The following ENTPD3 variants were observed in gnomAD, a reference collection of about 807,000 sequenced individuals.
ENTPD3 encodes CD39 antigen-like 3.
ENTPD3 carries 60 observed loss-of-function variants against 51.2 expected under a neutral mutation model. The observed-to-expected ratio is 1.17, with a 90% CI of 0.95 to 1.45. The LOEUF (loss-of-function observed/expected upper bound fraction) is 1.45. Among genes scored for constraint, ENTPD3 ranks in the 40% most tolerant of loss-of-function variants. ENTPD3 has a pLI of 0.00. For synonymous variants in ENTPD3, 221 were observed against 238.4 expected, an observed-to-expected ratio of 0.93 and a Z score of 0.67; for missense variants, 593 against 641.1, an observed-to-expected ratio of 0.93 and a Z score of 0.81.
chr3:40,410,457 A>G (rs904746333), intron 4 of ENTPD3, among the ~76,000 whole-genome samples: 1 of 151,934 alleles, frequency 6.6e-6, no homozygotes, highest in African/African-American at 2.4e-5. Flanking sequence ...AAAAAAAAAA[A>G]AGAGAAAAAG....
intron 4 of ENTPD3, among the ~76,000 whole-genome samples, chr3:40,401,787 C>CA (rs889376851): frequency 4.6e-5 from 7 of 151,590 alleles, no homozygotes; most frequent in Admixed American, 6.6e-5. Flanking sequence ...ACAGGCTGTA[C>CA]AAAAAAAAGG....
intron 4 of ENTPD3, among the ~76,000 whole-genome samples, chr3:40,404,586 A>T (rs982439553): frequency 7.9e-5 from 11 of 139,262 alleles, no homozygotes; most frequent in Non-Finnish European, 9.7e-5. Flanking sequence ...GGAGGCACAG[A>T]GTCATGGAGG....
chr3:40,389,668 C>T (rs1379821994), intron 2 of ENTPD3, among the ~76,000 whole-genome samples: 1 of 152,220 alleles, frequency 6.6e-6, no homozygotes, highest in Non-Finnish European at 1.5e-5. Context: ...TCTGTGACTG[C>T]AGCTACACTG....
intron 3 of ENTPD3, among the ~76,000 whole-genome samples, chr3:40,395,349 C>T (rs963662869): frequency 6.6e-6 from 1 of 152,174 alleles, no homozygotes. Flanking sequence ...AAATAGATCC[C>T]TGGGCAGTCT....
At chr3:40,390,101 T>G in intron 2 of ENTPD3, among the ~76,000 whole-genome samples, 1 of 152,234 alleles carries the variant, frequency 6.6e-6, no homozygotes. Context: ...TGATTAGATA[T>G]ATATTGGAAT....
At position 40,427,544 on chromosome 3, in the gene ENTPD3, TAG is replaced by T. The variant is rs748257657; in HGVS notation, c.*39_*40del. On this transcript the variant is annotated 3_prime_UTR_variant, in exon 11 of 11. Coordinates refer to ENST00000301825, the MANE Select transcript of ENTPD3 (RefSeq NM_001248.4). ...CAGCTCCTGGAGTCCAATGGCTGCT[TAG>T]AGTCAGCCTGGGTGGCACCAGGCAA... 4 of 1,537,320 alleles carry T rather than the reference TAG, an allele frequency of 2.6e-6. No homozygotes were observed. The South Asian group carries it at 4.5e-5, about 17-fold the overall frequency.
Position 40,397,826 on chromosome 3 carries a change from C to T in ENTPD3, c.169-3068C>T, listed in dbSNP as rs140385093. Among the ~76,000 whole-genome samples, 653 of 152,222 alleles carry T rather than the reference C, an allele frequency of 4.3e-3. 7 individuals carry two copies. Among genetic ancestry groups the T allele is most frequent in the African/African-American group, 0.015 (615 of 41,520 alleles). On this transcript the variant is annotated intron_variant, in intron 3 of 10. Coordinates refer to ENST00000301825, the MANE Select transcript of ENTPD3 (RefSeq NM_001248.4). ...ACATTTCTAAACTGAAAGACTGCTT[C>T]CTTTCAGTTAATCCACTGTGTCTTC...
intron 4 of ENTPD3, among the ~76,000 whole-genome samples, chr3:40,407,026 A>T (rs139126955): frequency 5.6e-4 from 86 of 152,278 alleles, no homozygotes; most frequent in African/African-American, 2.0e-3. Context: ...GAGGCATCTG[A>T]GTTCATAATG....
chr3:40,404,346 G>A (rs1039515925), intron 4 of ENTPD3, among the ~76,000 whole-genome samples: 1 of 152,222 alleles, frequency 6.6e-6, no homozygotes. Flanking sequence ...AGCATTAACT[G>A]TTATTCATGG....
Position 40,392,057 on chromosome 3 carries a change from T to G in ENTPD3, c.75T>G (p.Ile25Met), listed in dbSNP as rs1171489385. 3.8e-5 allele frequency: 62 copies of G among 1,613,984 alleles called. No individual in the cohort carries two copies. Among genetic ancestry groups the G allele is most frequent in the Non-Finnish European group, 5.1e-5 (60 of 1,179,962 alleles). The stretch of plus-strand genomic sequence containing the variant: ...CCCTCTACCGAACTCCAACCATCAT[T>G]GCCTTGGTGGTCTTGCTTGTGAGTA... ...LKALYRTPTIIALVVLLVSIV... is the reference protein window; with the variant it reads ...LKALYRTPTIMALVVLLVSIV... Residue 25 changes from isoleucine to methionine, a missense_variant, in exon 3 of 11, where the codon ATT becomes ATG. Transcript: ENST00000301825.
intron 9 of ENTPD3, 66 bp from the exon 10 acceptor site, chr3:40,423,760 A>C: frequency 6.4e-7 from 1 of 1,573,836 alleles, no homozygotes; most frequent in Non-Finnish European, 8.6e-7. Flanking sequence ...CATGACTTTT[A>C]ACCCAAGGTG....
At chr3:40,394,249 G>C (rs1485676569) in intron 3 of ENTPD3, 5 of 234,978 alleles carry the variant, frequency 2.1e-5, no homozygotes, top group South Asian at 2.0e-4. Context: ...CAAGTAGCTA[G>C]GATCACAGGT....
chr3:40,406,681 G>A (rs985548937), intron 4 of ENTPD3, among the ~76,000 whole-genome samples: 7 of 152,078 alleles, frequency 4.6e-5, no homozygotes, highest in African/African-American at 1.7e-4. Context: ...AGATCTTTTC[G>A]ATTGTCATGA....
Position 40,423,037 on chromosome 3 carries a change from C to CA in ENTPD3, c.1019_1020insA (p.Ile341HisfsTer3). On this transcript the variant is annotated frameshift_variant, in exon 8 of 11. Coordinates refer to ENST00000301825, the MANE Select transcript of ENTPD3 (RefSeq NM_001248.4). LOFTEE classifies it high-confidence loss of function. ...TCTCTGTGTAAGGAGAAGGTGGCTTCCATATTTGACTTCAAAGCTTGCCAT... is the reference window on the plus strand; with the variant it reads ...TCTCTGTGTAAGGAGAAGGTGGCTTCACATATTTGACTTCAAAGCTTGCCAT... 1.2e-6 allele frequency: 2 copies of CA among 1,614,102 alleles called. No individual in the cohort carries two copies. Among genetic ancestry groups the CA allele is most frequent in the Non-Finnish European group, 1.7e-6 (2 of 1,179,978 alleles).
At chr3:40,392,185 A>G (rs775135457) in intron 3 of ENTPD3, 35 bp downstream of exon 3, 1 of 1,608,816 alleles carries the variant, frequency 6.2e-7, no homozygotes, top group South Asian at 1.1e-5. Flanking sequence ...AAGGGAAGAA[A>G]TGAGCATAAA....
chr3:40,423,912 C>A lies in ENTPD3; in HGVS notation c.1302C>A (p.Asn434Lys), dbSNP rs756093760. 1.9e-6 allele frequency: 3 copies of A among 1,614,090 alleles called. No individual in the cohort carries two copies. The Middle Eastern group carries it at 4.9e-4, about 266-fold the overall frequency. ...ACTACATCTACCACTTGTTTGTGAA[C>A]GGTTACAAATTCACAGAGGAGACTT... ...SANYIYHLFV[N>K]GYKFTEETWP... The change falls in exon 10 of 11, where the codon AAC becomes AAA. Residue 434 changes from asparagine to lysine, a missense_variant. Asn to Lys is a moderately conservative substitution (Grantham distance 94, BLOSUM62 0). Transcript: ENST00000301825.
intron 5 of ENTPD3, among the ~76,000 whole-genome samples, chr3:40,414,314 A>G (rs1194415277): frequency 6.6e-6 from 1 of 152,198 alleles, no homozygotes; most frequent in Non-Finnish European, 1.5e-5. Flanking sequence ...GAGATTATTT[A>G]TGCCACTCTT....
In ENTPD3 at chr3:40,400,927, A is replaced by G. The variant is rs753967078; in HGVS notation, c.202A>G (p.Thr68Ala). 98 of 1,614,006 alleles carry G rather than the reference A, an allele frequency of 6.1e-5. 3 individuals are homozygous for G. The Middle Eastern group carries it at 1.3e-3, about 22-fold the overall frequency. The stretch of plus-strand genomic sequence containing the variant: ...TGTGCTGGATGCCGGGTCTTCAAGA[A>G]CCACAGTCTACGTGTATCAATGGCC... ...GIVLDAGSSR[T>A]TVYVYQWPAE... Residue 68 changes from threonine (T) to alanine (A), a missense_variant, in exon 4 of 11, where the codon ACC (threonine) becomes GCC (alanine). Transcript: ENST00000301825.
intron 2 of ENTPD3, among the ~76,000 whole-genome samples, chr3:40,390,583 G>A (rs1955030150): frequency 6.6e-6 from 1 of 152,166 alleles, no homozygotes; most frequent in Admixed American, 6.5e-5. Context: ...GAAATGGATA[G>A]ATCTTAAGTC....
Sources: allele counts gnomAD v4.1 joint callset (sites outside exome capture counted in the v4.1 genomes callset), GRCh38; gene constraint gnomAD v4.1.1; transcripts MANE v1.5; gene names NCBI Gene and HGNC (gene_info 2026-07-23, HGNC 2026-07-21).